Variants in CDH4 observed in about 807,000 individuals in gnomAD.
CDH4 encodes the protein cadherin-4.
In CDH4, 33 loss-of-function variants were observed where a neutral mutation model predicts 86.0. The observed-to-expected ratio is 0.38, with a 90% CI of 0.29 to 0.51. The LOEUF is 0.51. CDH4 is among the 20% of genes least tolerant of loss of function. The pLI, the probability that CDH4 is intolerant of heterozygous loss-of-function variation, is 0.86. For synonymous variants in CDH4, 555 were observed against 549.4 expected (o/e 1.01, Z -0.14); for missense variants, 1,114 against 1,307.4 (o/e 0.85, Z 2.28).
chr20:61,312,077 G>A (rs1600856513), intron 2 of CDH4, among the ~76,000 whole-genome samples: 1 of 152,290 alleles, frequency 6.6e-6, no homozygotes, highest in South Asian at 2.1e-4. Context: ...GCACATGTGT[G>A]GTGTGTATAT....
intron 2 of CDH4, among the ~76,000 whole-genome samples, chr20:61,473,175 T>G (rs1240481361): frequency 6.6e-6 from 1 of 152,230 alleles, no homozygotes; most frequent in East Asian, 1.9e-4. Flanking sequence ...TCAGATATAA[T>G]AGGTCAAAAT....
chr20:61,274,481 G>C (rs1160593498), intron 2 of CDH4, among the ~76,000 whole-genome samples: 1 of 147,358 alleles, frequency 6.8e-6, no homozygotes, highest in Non-Finnish European at 1.5e-5. Context: ...GCAGTTTAGG[G>C]GAGTACCGTG....
At chr20:61,732,358 G>A (rs1410464834) in intron 2 of CDH4, among the ~76,000 whole-genome samples, 1 of 152,080 alleles carries the variant, frequency 6.6e-6, no homozygotes, top group African/African-American at 2.4e-5. Flanking sequence ...CTACAAGTGT[G>A]GAGGTGACCG....
In CDH4 at chr20:61,377,357, C is replaced by T. The variant is rs11697696; in HGVS notation, c.169+122420C>T. Among the ~76,000 whole-genome samples, 26,968 of 152,008 alleles carry T rather than the reference C, an allele frequency of 0.18. 3,072 individuals carry two copies. Among genetic ancestry groups the T allele is most frequent in the East Asian group, 0.39 (2,005 of 5,132 alleles). On this transcript the variant is annotated intron_variant, in intron 2 of 15. Transcript: ENST00000614565. This position sits in a 1 kb window ranked among gnomAD's most constrained non-coding sequence, Gnocchi z 4.0. The stretch of plus-strand genomic sequence containing the variant: ...AGGGTCCCCATTCCATGTCTAAGTG[C>T]CCATCGGACGGTTGAGTTGTGTGGT...
At position 61,743,708 on chromosome 20, in the gene CDH4, G is replaced by T; in HGVS notation, c.315G>T (p.Trp105Cys). 1 of 1,611,010 alleles carries T rather than the reference G, an allele frequency of 6.2e-7. No individual in the cohort carries two copies. The change falls in exon 3 of 16, where the codon TGG becomes TGT. Residue 105 changes from tryptophan (W) to cysteine (C), a missense_variant. Coordinates refer to ENST00000614565, the MANE Select transcript of CDH4 (RefSeq NM_001794.5). Reference sequence around the variant, plus strand: ...AGGTGGCGTTCACGGTGACTGCATGGGACAGCCAGACAGCAGAGAAATGGG... The same window carrying T: ...AGGTGGCGTTCACGGTGACTGCATGTGACAGCCAGACAGCAGAGAAATGGG... ...SEQVAFTVTA[W>C]DSQTAEKWDA...
intron 2 of CDH4, among the ~76,000 whole-genome samples, chr20:61,314,828 A>T (rs879776230): frequency 6.6e-6 from 1 of 152,124 alleles, no homozygotes; most frequent in Non-Finnish European, 1.5e-5. Context: ...CGTCCTAACA[A>T]GTGTGCGATG....
rs371624789 is a variant in CDH4, at chr20:61,743,288, G to A, written c.170-275G>A. Among the ~76,000 whole-genome samples the A allele has an allele frequency of 1.8e-4, 27 of 152,388 alleles. No homozygotes were observed. In the East Asian group the frequency reaches 4.1e-3, roughly 23 times the overall value. ...GAATTCGGAGATAACAGCGGCAAGG[G>A]AGAGATGCGTTTGCAGAAGGGAGTG... is the stretch of plus-strand genomic sequence containing the variant. On this transcript the variant is annotated intron_variant, in intron 2 of 15. Transcript: ENST00000614565.
chr20:61,733,473 C>T (rs2088220975), intron 2 of CDH4, among the ~76,000 whole-genome samples: 1 of 152,160 alleles, frequency 6.6e-6, no homozygotes, highest in Admixed American at 6.5e-5. Context: ...ATGCATGCTT[C>T]CTCCCCCACA....
At position 61,811,623 on chromosome 20, in the gene CDH4, ACTGCCACCCGGGGTCACGCCC is replaced by A. The variant is rs1185675372; in HGVS notation, c.577-33020_577-33000del. Among the ~76,000 whole-genome samples, 92 of 150,118 alleles carry A rather than the reference ACTGCCACCCGGGGTCACGCCC, an allele frequency of 6.1e-4. No individual in the cohort carries two copies. Among genetic ancestry groups the A allele is most frequent in the Middle Eastern group, 7.1e-3 (2 of 282 alleles). On this transcript the variant is annotated intron_variant, in intron 4 of 15. Coordinates refer to ENST00000614565, the MANE Select transcript of CDH4 (RefSeq NM_001794.5). This position sits in a 1 kb window ranked among gnomAD's most constrained non-coding sequence, Gnocchi z 4.4. ...CACCAGCCCACAAATGAGCCCAGCC[ACTGCCACCCGGGGTCACGCCC>A]CTGCCACCCGGGGTCACGCCCCTGG...
intron 3 of CDH4, among the ~76,000 whole-genome samples, chr20:61,744,551 T>C (rs575955722): frequency 1.9e-5 from 1 of 51,640 alleles, no homozygotes; most frequent in East Asian, 5.7e-4. Flanking sequence ...GGGAGAGAGA[T>C]GGAGAGAGGT....
intron 2 of CDH4, among the ~76,000 whole-genome samples, chr20:61,557,115 G>A (rs2145681758): frequency 1.3e-5 from 2 of 152,300 alleles, no homozygotes; most frequent in South Asian, 4.1e-4. Context: ...CATCCTGCAA[G>A]CCATAAGCTA....
rs1428026539 is a variant in CDH4 at position 61,644,462 on chromosome 20, C to T, written c.170-99101C>T. Among the ~76,000 whole-genome samples, 3 of 152,208 alleles carry T rather than the reference C, an allele frequency of 2.0e-5. 1 individual carries two copies. Among genetic ancestry groups the T allele is most frequent in the Admixed American group, 2.0e-4 (3 of 15,288 alleles). Reference sequence around the variant, plus strand: ...ACCATCCTGCCTTGGCCTCCCCCTGCACCCCTCAAGTCCTGGTCCCAGATA... The same window carrying T: ...ACCATCCTGCCTTGGCCTCCCCCTGTACCCCTCAAGTCCTGGTCCCAGATA... On this transcript the variant is annotated intron_variant, in intron 2 of 15. Coordinates refer to ENST00000614565, the MANE Select transcript of CDH4 (RefSeq NM_001794.5).
intron 5 of CDH4, among the ~76,000 whole-genome samples, chr20:61,848,263 G>T (rs1349893154): frequency 6.6e-6 from 1 of 152,228 alleles, no homozygotes; most frequent in East Asian, 1.9e-4. Flanking sequence ...GGAGCCCAGG[G>T]CGGTGGGGGT....
At chr20:61,352,514 G>A (rs1600892816) in intron 2 of CDH4, among the ~76,000 whole-genome samples, 2 of 152,348 alleles carry the variant, frequency 1.3e-5, no homozygotes, top group South Asian at 4.1e-4. Context: ...CGGGGTGTGA[G>A]CCGCCTGTGG....
intron 8 of CDH4, among the ~76,000 whole-genome samples, chr20:61,906,957 G>A (rs2054796208): frequency 6.6e-6 from 1 of 152,226 alleles, no homozygotes; most frequent in East Asian, 1.9e-4. Flanking sequence ...CTGGCCTTGA[G>A]TCCTCCACCA....
chr20:61,680,869 G>A (rs1303406937), intron 2 of CDH4, among the ~76,000 whole-genome samples: 2 of 152,166 alleles, frequency 1.3e-5, no homozygotes. Context: ...AGAGGGACTG[G>A]ATGGAAGCCA....
chr20:61,448,183 A>G (rs1326058337), intron 2 of CDH4, among the ~76,000 whole-genome samples: 1 of 152,254 alleles, frequency 6.6e-6, no homozygotes, highest in African/African-American at 2.4e-5. Context: ...CCAGTGCCCC[A>G]GGAGACATTT....
chr20:61,682,110 G>T (rs1600869398), intron 2 of CDH4, among the ~76,000 whole-genome samples: 1 of 152,238 alleles, frequency 6.6e-6, no homozygotes. Flanking sequence ...CCTTCATGGG[G>T]TGTGGGAAGG....
chr20:61,657,454 T>C (rs2087204474), intron 2 of CDH4, among the ~76,000 whole-genome samples: 1 of 152,242 alleles, frequency 6.6e-6, no homozygotes. Context: ...ACCTTAATAA[T>C]GCCGAGCTTA....
Sources: allele counts gnomAD v4.1 joint callset (sites outside exome capture counted in the v4.1 genomes callset), GRCh38; gene constraint gnomAD v4.1.1; non-coding constraint Gnocchi (gnomAD v3.1); transcripts MANE v1.5; gene names NCBI Gene and HGNC (gene_info 2026-07-23, HGNC 2026-07-21).